The following DIDO1 variants were observed in gnomAD, a reference collection of about 807,000 sequenced individuals.
The protein encoded by DIDO1 is death-inducer obliterator 1.
In DIDO1, 16 loss-of-function variants were observed where a neutral mutation model predicts 99.4. The observed-to-expected ratio is 0.16, with a 90% CI of 0.11 to 0.24. The LOEUF (loss-of-function observed/expected upper bound fraction) is 0.24, where lower values mean the gene tolerates loss of function less well. DIDO1 is among the 10% of genes least tolerant of loss of function. DIDO1 has a pLI of 1.00. For missense variants in DIDO1, 2,996 were observed against 3,014.0 expected (o/e 0.99, Z 0.14); for synonymous variants, 1,366 against 1,239.1 (o/e 1.10, Z -2.15).
At chr20:62,895,504 C>G in intron 8 of DIDO1, among the ~76,000 whole-genome samples, 1 of 152,128 alleles carries the variant, frequency 6.6e-6, no homozygotes, top group East Asian at 1.9e-4. Context: ...CAATTATGTA[C>G]ACAAGGTGGA....
intron 6 of DIDO1, among the ~76,000 whole-genome samples, chr20:62,903,792 C>T (rs1190876983): frequency 6.6e-6 from 1 of 152,156 alleles, no homozygotes; most frequent in Non-Finnish European, 1.5e-5. Context: ...GGTTAACAGG[C>T]AATTTCCCCC....
At chr20:62,893,578 A>T in intron 12 of DIDO1, 88 bp downstream of exon 12, 1 of 1,427,354 alleles carries the variant, frequency 7.0e-7, no homozygotes, top group African/African-American at 1.4e-5. Flanking sequence ...TACATTTCCA[A>T]GTTCAACTAT....
Position 62,896,481 on chromosome 20 carries a change from A to C in DIDO1, c.2054+50T>G, listed in dbSNP as rs2064525625. The C allele has an allele frequency of 1.3e-6, 2 of 1,583,456 alleles. No individual in the cohort carries two copies. The highest frequency in any genetic ancestry group is 3.9e-5 in the Admixed American group (2 of 51,416). Reference sequence around the variant, plus strand: ...GAGGCAATCCTGCAGCCACACTCTAATGAAAGCCCTTCCATTTTAATGGGT... The same window carrying C: ...GAGGCAATCCTGCAGCCACACTCTACTGAAAGCCCTTCCATTTTAATGGGT... On this transcript the variant is annotated intron_variant, in intron 7 of 15. Coordinates refer to ENST00000395343, the MANE Select transcript of DIDO1 (RefSeq NM_001193369.2). The surrounding 1 kb of genome is among the most constrained non-coding windows in gnomAD (Gnocchi z 4.4).
Position 62,911,054 on chromosome 20 carries a change from G to C in DIDO1, c.559C>G (p.Arg187Gly). The change falls in exon 3 of 16, where the codon CGC becomes GGC. Residue 187 changes from arginine (R) to glycine (G), a missense_variant. Around this residue, in one of 5 missense-constraint regions of DIDO1, gnomAD observed 388 missense variants for 376.6 expected, o/e 1.03. Transcript: ENST00000395343. This position sits in a 1 kb window ranked among gnomAD's most constrained non-coding sequence, Gnocchi z 7.0. ...TERPLKGIQS[R>G]LRKKRREEGP... ...TCCTCCCGGCGCTTCTTCCGCAGGCGACTCTGGATCCCTTTCAGGGGCCTC... is the reference window on the plus strand; with the variant it reads ...TCCTCCCGGCGCTTCTTCCGCAGGCCACTCTGGATCCCTTTCAGGGGCCTC... 2 of 1,613,664 alleles carry C rather than the reference G, an allele frequency of 1.2e-6. No homozygotes were observed. Among genetic ancestry groups the C allele is most frequent in the Non-Finnish European group, 1.7e-6 (2 of 1,180,006 alleles).
rs767447591 is a variant in DIDO1, at chr20:62,880,917, C to T, written c.5039G>A (p.Arg1680Lys). Residue 1680 changes from arginine to lysine, a missense_variant, in exon 16 of 16, where the codon AGG becomes AAG. Arg to Lys is a conservative substitution (Grantham distance 26). This residue lies in a region of DIDO1 where 1,562 missense variants were observed against 1,412.6 expected (regional missense o/e 1.11). Coordinates refer to ENST00000395343, the MANE Select transcript of DIDO1 (RefSeq NM_001193369.2). ...GAACCCCGGGCAGGTGAAAGGGTCCCTCTCACCGTCGTGCTGCAGCGGGAA... is the reference window on the plus strand; with the variant it reads ...GAACCCCGGGCAGGTGAAAGGGTCCTTCTCACCGTCGTGCTGCAGCGGGAA... ...PGFPLQHDGE[R>K]DPFTCPGFAS... 2 of 1,610,412 alleles carry T rather than the reference C, an allele frequency of 1.2e-6. No individual in the cohort carries two copies. The highest frequency in any genetic ancestry group is 2.2e-5 in the South Asian group (2 of 91,074).
chr20:62,902,707 C>T (rs1191731010), intron 6 of DIDO1, among the ~76,000 whole-genome samples: 3 of 152,172 alleles, frequency 2.0e-5, no homozygotes, highest in Non-Finnish European at 4.4e-5. Context: ...TGTGGCAGCA[C>T]GTGGGAACAA....
chr20:62,935,438 C>T (rs997691180), intron 1 of DIDO1, among the ~76,000 whole-genome samples: 1 of 152,142 alleles, frequency 6.6e-6, no homozygotes, highest in African/African-American at 2.4e-5. Context: ...ACCACACGGA[C>T]CGTGTGCTAA....
chr20:62,880,819 T>G lies in DIDO1; in HGVS notation c.5137A>C (p.Ser1713Arg), dbSNP rs766051423. ...PRNLHSAGRS[S>R]SPAGETEGDR... ...CCCTCTGTTTCACCTGCAGGGCTGC[T>G]GCTCCTTCCAGCAGAATGAAGATTT... Residue 1713 changes from serine to arginine, a missense_variant, in exon 16 of 16, where the codon AGC becomes CGC. Coordinates refer to ENST00000395343, the MANE Select transcript of DIDO1 (RefSeq NM_001193369.2). 1 of 1,612,650 alleles carries G rather than the reference T, an allele frequency of 6.2e-7. No individual in the cohort carries two copies. Among genetic ancestry groups the G allele is most frequent in the African/African-American group, 1.3e-5 (1 of 74,900 alleles).
upstream of DIDO1, among the ~76,000 whole-genome samples, chr20:62,927,384 G>A (rs2065274275): frequency 1.3e-5 from 2 of 152,216 alleles, no homozygotes; most frequent in South Asian, 4.1e-4. Flanking sequence ...TCTTCAGTTC[G>A]CTCAATAGTA....
chr20:62,880,249 G>T lies in DIDO1; in HGVS notation c.5707C>A (p.Pro1903Thr), dbSNP rs150702962. ...TGAGAGGGAGGGGGGCCGCCTCGGG[G>T]GCCTTTCAGCTGAGACAGCAGTGGC... ...RRPLLSQLKG[P>T]RGGPPPSQFG... is the part of the protein sequence containing the mutation. Residue 1903 changes from proline (P) to threonine (T), a missense_variant, in exon 16 of 16, where the codon CCC (proline) becomes ACC (threonine). Physicochemically the swap from Pro to Thr is conservative, Grantham distance 38. This residue lies in a region of DIDO1 where 1,562 missense variants were observed against 1,412.6 expected (regional missense o/e 1.11). Coordinates refer to ENST00000395343, the MANE Select transcript of DIDO1 (RefSeq NM_001193369.2). The T allele has an allele frequency of 2.5e-6, 4 of 1,612,572 alleles. No individual in the cohort carries two copies. In the East Asian group the frequency reaches 8.9e-5, roughly 36 times the overall value.
chr20:62,914,773 C>T (rs906692100), intron 1 of DIDO1, among the ~76,000 whole-genome samples: 1 of 152,178 alleles, frequency 6.6e-6, no homozygotes, highest in East Asian at 1.9e-4. Context: ...CAATAAAATC[C>T]ACCACAAAAC....
intron 5 of DIDO1, among the ~76,000 whole-genome samples, 199 bp downstream of exon 5, chr20:62,906,948 C>T (rs1055662559): frequency 9.9e-5 from 15 of 152,222 alleles, no homozygotes; most frequent in African/African-American, 3.1e-4. Flanking sequence ...CTTTACTGCA[C>T]TTGTGTTAAT....
chr20:62,923,260 C>T (rs1240822270), intron 1 of DIDO1, among the ~76,000 whole-genome samples: 3 of 152,146 alleles, frequency 2.0e-5, no homozygotes, highest in South Asian at 2.1e-4. Context: ...ACTGCAACCT[C>T]GACCTCCCAG....
At chr20:62,928,056 C>T (rs949194450), upstream of DIDO1, among the ~76,000 whole-genome samples, 1 of 152,164 alleles carries the variant, frequency 6.6e-6, no homozygotes, top group Non-Finnish European at 1.5e-5. Flanking sequence ...TGAGGCCTCC[C>T]TACAAGAGGC....
At chr20:62,921,823 A>G (rs1468302088) in intron 1 of DIDO1, among the ~76,000 whole-genome samples, 1 of 150,760 alleles carries the variant, frequency 6.6e-6, no homozygotes, top group East Asian at 1.9e-4. Context: ...GTATATCCAC[A>G]ATATATATAT....
intron 15 of DIDO1, chr20:62,890,263 C>T (rs968103771): frequency 2.9e-5 from 29 of 986,056 alleles, no homozygotes; most frequent in Non-Finnish European, 3.4e-5. Flanking sequence ...CAGATACTAA[C>T]CCCTAACTGA....
At chr20:62,922,109 T>TACACACACACAC (rs58178322) in intron 1 of DIDO1, among the ~76,000 whole-genome samples, 128 of 110,638 alleles carry the variant, frequency 1.2e-3, no homozygotes, top group Non-Finnish European at 2.0e-3. Context: ...ACTATATATA[T>TACACACACACAC]ACACACACAC....
Position 62,881,566 on chromosome 20 carries a change from C to T in DIDO1, c.4390G>A (p.Val1464Met). The T allele has an allele frequency of 6.2e-7, 1 of 1,611,334 alleles. No homozygotes were observed. The highest frequency in any genetic ancestry group is 2.2e-5 in the East Asian group (1 of 44,884). ...RNSVERPAEP[V>M]AGAATPSLVE... ...AGGGAGGGCGTCGCAGCCCCGGCCA[C>T]CGGCTCGGCAGGCCTCTCCACGGAG... is the stretch of plus-strand genomic sequence containing the variant. Residue 1464 changes from valine to methionine, a missense_variant, in exon 16 of 16, where the codon GTG becomes ATG. Transcript: ENST00000395343. This position sits in a 1 kb window ranked among gnomAD's most constrained non-coding sequence, Gnocchi z 8.3.
At chr20:62,904,576 T>A (rs1239362335) in intron 6 of DIDO1, among the ~76,000 whole-genome samples, 1 of 151,450 alleles carries the variant, frequency 6.6e-6, no homozygotes, top group East Asian at 1.9e-4. Flanking sequence ...AGGCCAGGAG[T>A]TCAAGACCAG....
Sources: gnomAD v4.1 joint callset for allele counts (sites outside exome capture counted in the v4.1 genomes callset) on GRCh38, gnomAD v4.1.1 for gene constraint, gnomAD v4.1.1 regional missense constraint, Gnocchi (gnomAD v3.1) non-coding constraint, MANE v1.5 for transcripts, NCBI Gene and HGNC (gene_info 2026-07-23, HGNC 2026-07-21) for gene names.